The following ARSB variants were observed in gnomAD, a reference collection of about 807,000 sequenced individuals.
The protein encoded by ARSB is N-acetylgalactosamine-4-sulfatase.
Under a neutral mutation model 50.9 loss-of-function variants are expected in ARSB, and 41 were observed. That is an observed-to-expected ratio of 0.81 (90% CI 0.63 to 1.04). The LOEUF (loss-of-function observed/expected upper bound fraction) is 1.04, where lower values mean the gene tolerates loss of function less well. Ranked by LOEUF, ARSB falls within the 50% of genes least tolerant of loss-of-function variation. The pLI is 0.00. For missense variants in ARSB, 672 were observed against 693.3 expected (o/e 0.97, Z 0.35); for synonymous variants, 269 against 284.8 (o/e 0.94, Z 0.56).
intron 4 of ARSB, among the ~76,000 whole-genome samples, chr5:78,947,637 T>C (rs1751303791): frequency 6.6e-6 from 1 of 152,150 alleles, no homozygotes; most frequent in African/African-American, 2.4e-5. Flanking sequence ...TAATAATGAA[T>C]GCTGGCGAGG....
At chr5:78,839,197 A>G (rs887059070) in intron 6 of ARSB, among the ~76,000 whole-genome samples, 159 bp downstream of exon 6, 1 of 152,218 alleles carries the variant, frequency 6.6e-6, no homozygotes, top group Non-Finnish European at 1.5e-5. Flanking sequence ...TTCACAGCAC[A>G]CTGCCCTCTG....
At chr5:78,782,625 G>A (rs1007031941) in intron 6 of ARSB, among the ~76,000 whole-genome samples, 5 of 152,118 alleles carry the variant, frequency 3.3e-5, no homozygotes, top group Non-Finnish European at 7.4e-5. Flanking sequence ...TTTTGCTTTT[G>A]TGGGGAGCAA....
rs113739923 is a variant in ARSB, at chr5:78,830,022, C to T, written c.1213+9334G>A. ...GCTCCAGGGTGGAAGACGGAAGGGGCGGAGCCACTGGACCTGAGAGGGACT... is the reference window on the plus strand; with the variant it reads ...GCTCCAGGGTGGAAGACGGAAGGGGTGGAGCCACTGGACCTGAGAGGGACT... On this transcript the variant is annotated intron_variant, in intron 6 of 7. Transcript: ENST00000264914. Among the ~76,000 whole-genome samples the T allele has an allele frequency of 3.2e-3, 482 of 152,214 alleles. 1 individual carries two copies. Among genetic ancestry groups the T allele is most frequent in the African/African-American group, 1.0e-2 (415 of 41,548 alleles).
intron 4 of ARSB, among the ~76,000 whole-genome samples, chr5:78,896,243 A>G (rs1455665267): frequency 6.6e-6 from 1 of 152,156 alleles, no homozygotes; most frequent in Non-Finnish European, 1.5e-5. Context: ...AGGTCGCAGC[A>G]TGATCTAGAT....
chr5:78,905,522 A>C (rs1484633267), intron 4 of ARSB, among the ~76,000 whole-genome samples: 1 of 152,196 alleles, frequency 6.6e-6, no homozygotes, highest in Non-Finnish European at 1.5e-5. Flanking sequence ...TTCTGTGGAC[A>C]GTGGCTCTAA....
chr5:78,969,611 G>A (rs1212109578), intron 1 of ARSB, among the ~76,000 whole-genome samples: 3 of 152,028 alleles, frequency 2.0e-5, no homozygotes, highest in Non-Finnish European at 4.4e-5. Flanking sequence ...TTTTACAAGT[G>A]GTTTTGTTTT....
At chr5:78,848,510 T>C (rs1745574177) in intron 5 of ARSB, among the ~76,000 whole-genome samples, 1 of 151,610 alleles carries the variant, frequency 6.6e-6, no homozygotes, top group Non-Finnish European at 1.5e-5. Context: ...TTGTGAATAG[T>C]GCCGCAATAA....
chr5:78,864,561 C>A (rs566951180), intron 5 of ARSB, among the ~76,000 whole-genome samples: 1 of 152,252 alleles, frequency 6.6e-6, no homozygotes, highest in African/African-American at 2.4e-5. Context: ...TATCATTCCA[C>A]CCCTGGCCCC....
chr5:78,858,946 T>C (rs1244732494), intron 5 of ARSB, among the ~76,000 whole-genome samples: 2 of 152,236 alleles, frequency 1.3e-5, no homozygotes, highest in Non-Finnish European at 2.9e-5. Context: ...AATGTAACTA[T>C]TATTACATTT....
rs138521037 is a variant in ARSB at position 78,843,864 on chromosome 5, T to C, written c.1143-4438A>G. On this transcript the variant is annotated intron_variant, in intron 5 of 7. Coordinates refer to ENST00000264914, the MANE Select transcript of ARSB (RefSeq NM_000046.5). ...GCATAATGTTTTCAAGGATCATCAA[T>C]GTGGTAGCATGCATCAAATATTTCA... is the stretch of plus-strand genomic sequence containing the variant. Among the ~76,000 whole-genome samples, 293 of 152,350 alleles carry C rather than the reference T, an allele frequency of 1.9e-3. 2 individuals are homozygous for C. The highest frequency in any genetic ancestry group is 2.2e-3 in the Non-Finnish European group (152 of 68,036).
intron 6 of ARSB, among the ~76,000 whole-genome samples, chr5:78,788,150 T>C (rs971738074): frequency 9.2e-5 from 14 of 152,124 alleles, no homozygotes; most frequent in Non-Finnish European, 5.9e-5. Flanking sequence ...AACAAACAAA[T>C]TTTTCTCGTT....
chr5:78,780,499 G>A lies in ARSB; in HGVS notation c.1500C>T (p.Ser500=), dbSNP rs762978908. 1.4e-5 allele frequency: 23 copies of A among 1,614,020 alleles called. 1 individual carries two copies. In the Admixed American group the frequency reaches 3.8e-4, roughly 27 times the overall value. ...AGTGTTTATGGTAGAACTGTAGGCGGGACAGGAGCTTTGTGACGATGTGAG... is the reference window on the plus strand; with the variant it reads ...AGTGTTTATGGTAGAACTGTAGGCGAGACAGGAGCTTTGTGACGATGTGAG... ...EYPHIVTKLL[S]RLQFYHKHSV... The change falls in exon 8 of 8, where the codon TCC becomes TCT. Residue 500 remains serine, a synonymous_variant. Transcript: ENST00000264914.
At chr5:78,914,949 A>T (rs1055847749) in intron 4 of ARSB, among the ~76,000 whole-genome samples, 4 of 152,212 alleles carry the variant, frequency 2.6e-5, no homozygotes, top group Non-Finnish European at 5.9e-5. Flanking sequence ...GGTGGTAGCC[A>T]CCACACCTGG....
intron 5 of ARSB, among the ~76,000 whole-genome samples, chr5:78,866,791 C>T (rs1746770375): frequency 6.6e-6 from 1 of 152,200 alleles, no homozygotes; most frequent in South Asian, 2.1e-4. Context: ...CATGAGAAGG[C>T]AGACCAAAAA....
chr5:78,972,864 ACT>A (rs1752517828), intron 1 of ARSB, among the ~76,000 whole-genome samples: 2 of 152,196 alleles, frequency 1.3e-5, no homozygotes, highest in African/African-American at 4.8e-5. Context: ...TTCCTCCATT[ACT>A]GACAATCATA....
intron 1 of ARSB, among the ~76,000 whole-genome samples, chr5:78,980,582 AAAAC>A (rs368429548): frequency 1.3e-5 from 2 of 152,222 alleles, no homozygotes; most frequent in Non-Finnish European, 2.9e-5. Context: ...ATGTTAAGTA[AAAAC>A]AAACAAACAA....
At chr5:78,873,644 C>T (rs1005040021) in intron 5 of ARSB, among the ~76,000 whole-genome samples, 7 of 149,748 alleles carry the variant, frequency 4.7e-5, no homozygotes, top group Non-Finnish European at 8.9e-5. Context: ...TACAGGCGCC[C>T]GCCACTACGC....
intron 4 of ARSB, among the ~76,000 whole-genome samples, chr5:78,925,315 C>A (rs1404565213): frequency 6.6e-6 from 1 of 151,932 alleles, no homozygotes; most frequent in Non-Finnish European, 1.5e-5. Flanking sequence ...GCAAATAAAT[C>A]CCTGCAGAGA....
At chr5:78,800,991 G>C (rs979906564) in intron 6 of ARSB, among the ~76,000 whole-genome samples, 2 of 152,190 alleles carry the variant, frequency 1.3e-5, no homozygotes, top group African/African-American at 4.8e-5. Context: ...TTGGACTCTG[G>C]ATAGTTGAGC....
Sources: gnomAD v4.1 joint callset for allele counts (sites outside exome capture counted in the v4.1 genomes callset) on GRCh38, gnomAD v4.1.1 for gene constraint, MANE v1.5 for transcripts, NCBI Gene and HGNC (gene_info 2026-07-23, HGNC 2026-07-21) for gene names.